The following NIN variants were observed in gnomAD, a reference collection of about 807,000 sequenced individuals.
The protein encoded by NIN is ninein, also known as glycogen synthase kinase 3 beta-interacting protein.
In NIN, 137 loss-of-function variants were observed where a neutral mutation model predicts 257.6. The observed-to-expected ratio is 0.53, with a 90% CI of 0.46 to 0.61. The LOEUF (loss-of-function observed/expected upper bound fraction) is 0.61, where lower values mean the gene tolerates loss of function less well. Among genes scored for constraint, NIN ranks in the 20% least tolerant of loss-of-function variants. The pLI, the probability that NIN is intolerant of heterozygous loss-of-function variation, is 0.00. For synonymous variants in NIN, 918 were observed against 919.8 expected (o/e 1.00, Z 0.04); for missense variants, 2,439 against 2,501.2 (o/e 0.98, Z 0.53).
intron 3 of NIN, among the ~76,000 whole-genome samples, chr14:50,820,818 C>T (rs570878830): frequency 1.3e-5 from 2 of 152,252 alleles, no homozygotes; most frequent in East Asian, 3.9e-4. Context: ...CTGAGAATAT[C>T]ATCTTTTGCA....
In NIN at chr14:50,756,570, T is replaced by A. The variant is rs766637653; in HGVS notation, c.4460A>T (p.Lys1487Met). The change falls in exon 18 of 31, where the codon AAG becomes ATG. Residue 1487 changes from lysine (K) to methionine (M), a missense_variant. By Grantham distance (95) the Lys-to-Met change is moderately conservative (BLOSUM62 -1). Coordinates refer to ENST00000530997, the MANE Select transcript of NIN (RefSeq NM_020921.4). ...KQKDVLSHGE[K>M]EEELKAMMHD... ...CATCATTGCCTTCAGCTCTTCCTCC[T>A]TTTCTCCGTGAGAAAGTACATCTTT... 1.2e-6 allele frequency: 2 copies of A among 1,612,468 alleles called. No individual in the cohort carries two copies. The highest frequency in any genetic ancestry group is 1.7e-6 in the Non-Finnish European group (2 of 1,179,272).
chr14:50,799,936 T>C (rs1332808773), intron 4 of NIN, among the ~76,000 whole-genome samples: 5 of 151,628 alleles, frequency 3.3e-5, no homozygotes, highest in African/African-American at 9.7e-5. Context: ...GATTGCACCA[T>C]TGCATTCCAG....
At chr14:50,763,768 C>T in intron 15 of NIN, 58 bp downstream of exon 15, 1 of 1,477,590 alleles carries the variant, frequency 6.8e-7, no homozygotes. Context: ...TTATATTGAA[C>T]CACGTTTCTA....
At chr14:50,768,052 A>AACAC (rs61028485) in intron 12 of NIN, among the ~76,000 whole-genome samples, 1,882 of 139,042 alleles carry the variant, frequency 0.014, 60 homozygotes, top group Admixed American at 0.093. Context: ...CACATTTGCC[A>AACAC]ACACACACAC....
At chr14:50,763,490 GCTCAGTGTCTGAATTCTAACA>G (rs1206331212) in intron 15 of NIN, among the ~76,000 whole-genome samples, 21 of 152,316 alleles carry the variant, frequency 1.4e-4, no homozygotes, top group Non-Finnish European at 2.8e-4. Context: ...GACAGCAATA[GCTCAGTGTCTGAATTCTAACA>G]CTCCCAAGGC....
At chr14:50,727,682 C>G in intron 29 of NIN, 1 of 1,440,838 alleles carries the variant, frequency 6.9e-7, no homozygotes, top group South Asian at 1.1e-5. Flanking sequence ...CAATAGCAGC[C>G]CAGTTTTCAC....
chr14:50,751,368 G>C (rs1355608063), intron 21 of NIN, among the ~76,000 whole-genome samples: 3 of 152,142 alleles, frequency 2.0e-5, no homozygotes. Flanking sequence ...CAAAAAGGCG[G>C]TACCAGTTTG....
chr14:50,746,726 C>T (rs541295279), intron 22 of NIN, among the ~76,000 whole-genome samples: 1 of 152,270 alleles, frequency 6.6e-6, no homozygotes, highest in East Asian at 1.9e-4. Context: ...TGAAAGACTC[C>T]TGTAAATACT....
intron 20 of NIN, 118 bp from the exon 21 acceptor site, chr14:50,752,851 T>C: frequency 1.8e-6 from 1 of 547,094 alleles, no homozygotes; most frequent in Non-Finnish European, 3.1e-6. Context: ...TTAAAATATA[T>C]ATATATTTCA....
At chr14:50,751,700 A>G (rs1278946897) in intron 21 of NIN, among the ~76,000 whole-genome samples, 1 of 152,020 alleles carries the variant, frequency 6.6e-6, no homozygotes, top group Non-Finnish European at 1.5e-5. Context: ...CCAATTTTTA[A>G]ACTTTTTGTA....
chr14:50,823,325 C>G, intron 2 of NIN: 2 of 554,398 alleles, frequency 3.6e-6, no homozygotes, highest in South Asian at 2.9e-5. Context: ...GCTCTCAGAA[C>G]CAGTCCTTTG....
At chr14:50,780,564 C>T in intron 5 of NIN, among the ~76,000 whole-genome samples, 1 of 152,174 alleles carries the variant, frequency 6.6e-6, no homozygotes. Context: ...CTACTTTATT[C>T]TCCACACTCA....
rs1047440558 is a variant in NIN, at chr14:50,729,795, C to T, written c.5878-72G>A. The T allele has an allele frequency of 2.5e-6, 3 of 1,207,290 alleles. No homozygotes were observed. In the African/African-American group the frequency reaches 4.6e-5, roughly 18 times the overall value. The allele number at this position is 1,207,290 out of a possible 1,614,324, so 74.8% of individuals were successfully genotyped here. A position where few individuals can be genotyped will look rare whatever the true frequency, so the allele number is the denominator to read the frequency against. ...CAGAGCTGCCCTTTATGGTGTCAGG[C>T]AGTGAGTAATGAAGACTATTAATTC... On this transcript the variant is annotated intron_variant, in intron 28 of 30. Coordinates refer to ENST00000530997, the MANE Select transcript of NIN (RefSeq NM_020921.4).
chr14:50,729,875 G>C, intron 28 of NIN, 152 bp from the exon 29 acceptor site: 1 of 548,804 alleles, frequency 1.8e-6, no homozygotes. Flanking sequence ...ATGGGCCCGA[G>C]GAATACAGAA....
chr14:50,756,661 C>G lies in NIN; in HGVS notation c.4369G>C (p.Glu1457Gln). 1 of 1,552,602 alleles carries G rather than the reference C, an allele frequency of 6.4e-7. No individual in the cohort carries two copies. Among genetic ancestry groups the G allele is most frequent in the Non-Finnish European group, 8.7e-7 (1 of 1,147,382 alleles). The change falls in exon 18 of 31, where the codon GAG becomes CAG. Residue 1457 changes from glutamate to glutamine, a missense_variant. Coordinates refer to ENST00000530997, the MANE Select transcript of NIN (RefSeq NM_020921.4). ...GTCAGCTCCTGTAACTTTGTTTTCT[C>G]CAGTTCTAACTCTGCTATGGTGGCC... The part of the protein sequence containing the change: ...HQATIAELEL[E>Q]KTKLQELTRK...
intron 28 of NIN, among the ~76,000 whole-genome samples, chr14:50,733,676 C>G (rs189337818): frequency 1.3e-5 from 2 of 152,286 alleles, no homozygotes; most frequent in East Asian, 1.9e-4. Context: ...AAGGCTCTCA[C>G]AGTGACTAAG....
At chr14:50,736,756 T>A (rs2040999681) in intron 27 of NIN, among the ~76,000 whole-genome samples, 1 of 152,310 alleles carries the variant, frequency 6.6e-6, no homozygotes, top group Non-Finnish European at 1.5e-5. Flanking sequence ...CACAACCAGG[T>A]CTTCTTACTG....
chr14:50,743,453 G>A lies in NIN; in HGVS notation c.5264C>T (p.Ala1755Val), dbSNP rs758555048. The change falls in exon 24 of 31, where the codon GCG becomes GTG. Residue 1755 changes from alanine to valine, a missense_variant. By Grantham distance (64) the Ala-to-Val change is moderately conservative. This residue lies in a region of NIN where 2,043 missense variants were observed against 2,050.2 expected (regional missense o/e 1.00). Transcript: ENST00000530997. ...QEQKSWEHQS[A>V]SLKSQLVASQ... is the part of the protein sequence containing the mutation. ...AGCCACCAGCTGTGACTTTAAGCTC[G>A]CACTCTGATGTTCCCAGGATTTCTG... is the stretch of plus-strand genomic sequence containing the variant. The A allele has an allele frequency of 2.2e-5, 36 of 1,613,268 alleles. No homozygotes were observed. Among genetic ancestry groups the A allele is most frequent in the East Asian group, 4.5e-5 (2 of 44,888 alleles).
chr14:50,739,548 G>T, intron 25 of NIN, 61 bp from the exon 26 acceptor site: 1 of 1,527,300 alleles, frequency 6.5e-7, no homozygotes, highest in Non-Finnish European at 8.9e-7. Flanking sequence ...GCTGTTTTGA[G>T]ACAGGTGTCA....
Sources: gnomAD v4.1 joint callset for allele counts (sites outside exome capture counted in the v4.1 genomes callset) on GRCh38, gnomAD v4.1.1 for gene constraint, gnomAD v4.1.1 regional missense constraint, MANE v1.5 for transcripts, NCBI Gene and HGNC (gene_info 2026-07-23, HGNC 2026-07-21) for gene names.